Variants in SAMD15 observed in about 807,000 individuals in gnomAD.
The protein encoded by SAMD15 is sterile alpha motif domain-containing protein 15.
SAMD15 carries 37 observed loss-of-function variants against 50.5 expected under a neutral mutation model. The observed-to-expected ratio is 0.73, with a 90% CI of 0.56 to 0.96. The LOEUF (loss-of-function observed/expected upper bound fraction) is 0.96, where lower values mean the gene tolerates loss of function less well. Among genes scored for constraint, SAMD15 ranks in the 40% least tolerant of loss-of-function variants. SAMD15 has a pLI of 0.00. For synonymous variants in SAMD15, 255 were observed against 282.8 expected (o/e 0.90, Z 0.99); for missense variants, 789 against 783.8 (o/e 1.01, Z -0.08).
intron 2 of SAMD15, among the ~76,000 whole-genome samples, chr14:77,383,829 T>TAA (rs1893973726): frequency 6.6e-6 from 1 of 151,966 alleles, no homozygotes; most frequent in Non-Finnish European, 1.5e-5. Flanking sequence ...AAAAATTAGC[T>TAA]AGGCATGTTG....
rs2193595 is a variant in SAMD15 at position 77,378,778 on chromosome 14, A to G, written c.1360A>G (p.Lys454Glu). 0.48 allele frequency: 766,029 copies of G among 1,611,202 alleles called. 191,651 individuals carry two copies. The highest frequency in any genetic ancestry group is 0.84 in the African/African-American group (62,510 of 74,770). The change falls in exon 1 of 3, where the codon AAA (lysine) becomes GAA (glutamate). Residue 454 changes from lysine (K) to glutamate (E), a missense_variant. Coordinates refer to ENST00000216471, the MANE Select transcript of SAMD15 (RefSeq NM_001010860.4). Reference sequence around the variant, plus strand: ...AAGAGGAAAGTTGTCACTAAGTGACAAATTTAGAAAAGAATATTACGCATT... The same window carrying G: ...AAGAGGAAAGTTGTCACTAAGTGACGAATTTAGAAAAGAATATTACGCATT... ...PKRGKLSLSD[K>E]FRKEYYALGS...
At chr14:77,385,953 T>G (rs940291541) in intron 2 of SAMD15, among the ~76,000 whole-genome samples, 7 of 150,436 alleles carry the variant, frequency 4.7e-5, no homozygotes, top group Non-Finnish European at 1.0e-4. Flanking sequence ...GCTCAAATAA[T>G]CCTCCCACTT....
Position 77,378,756 on chromosome 14 carries a change from AG to A in SAMD15, c.1340del (p.Gly447GlufsTer5), listed in dbSNP as rs1566699698. 1.9e-6 allele frequency: 3 copies of A among 1,611,650 alleles called. No homozygotes were observed. The highest frequency in any genetic ancestry group is 2.5e-6 in the Non-Finnish European group (3 of 1,179,356). Reference sequence around the variant, plus strand: ...AGCTAGAGCACCGTGAGCCTAAAAGAGGAAAGTTGTCACTAAGTGACAAATT... The same window carrying A: ...AGCTAGAGCACCGTGAGCCTAAAAGAGAAAGTTGTCACTAAGTGACAAATT... ...DELEHREPKR[G>X]KLSLSDKFRK... is the part of the protein sequence containing the mutation. On this transcript the variant is annotated frameshift_variant, in exon 1 of 3. Transcript: ENST00000216471. LOFTEE classifies it high-confidence loss of function.
In SAMD15 at chr14:77,377,642, T is replaced by A; in HGVS notation, c.224T>A (p.Val75Glu). The A allele has an allele frequency of 6.2e-7, 1 of 1,614,132 alleles. No homozygotes were observed. The highest frequency in any genetic ancestry group is 8.5e-7 in the Non-Finnish European group (1 of 1,180,024). The change falls in exon 1 of 3, where the codon GTG (valine) becomes GAG (glutamate). Residue 75 changes from valine (V) to glutamate (E), a missense_variant. Val to Glu is a moderately radical substitution (Grantham distance 121). Transcript: ENST00000216471. ...KEGEPDSAKN[V>E]QLKPGGTSQE... ...GGGGAGCCAGACAGTGCTAAGAACG[T>A]GCAGCTGAAACCTGGCGGGACGTCC...
At chr14:77,380,564 C>A in intron 2 of SAMD15, 83 bp downstream of exon 2, 1 of 853,004 alleles carries the variant, frequency 1.2e-6, no homozygotes, top group Non-Finnish European at 2.0e-6. Context: ...TTCCTCCAGC[C>A]TGGCCTCCCA....
At chr14:77,381,509 G>A (rs184130945) in intron 2 of SAMD15, among the ~76,000 whole-genome samples, 7 of 152,206 alleles carry the variant, frequency 4.6e-5, no homozygotes, top group Admixed American at 6.5e-5. Context: ...AACTTGGGTC[G>A]TCTTCAGAAT....
Position 77,378,819 on chromosome 14 carries a change from A to C in SAMD15, c.1401A>C (p.Glu467Asp). The C allele has an allele frequency of 2.5e-6, 4 of 1,613,446 alleles. No homozygotes were observed. Among genetic ancestry groups the C allele is most frequent in the Non-Finnish European group, 2.5e-6 (3 of 1,179,860 alleles). ...ATTACGCATTAGGATCTCTCAGAGA[A>C]AGTGAAGAATCAATTGGTACACATT... The part of the protein sequence containing the change: ...KEYYALGSLR[E>D]SEESIGTHYE... Residue 467 changes from glutamate (E) to aspartate (D), a missense_variant, in exon 1 of 3, where the codon GAA (glutamate) becomes GAC (aspartate). Around this residue, in one of 2 missense-constraint regions of SAMD15, gnomAD observed 770 missense variants for 745.4 expected, o/e 1.03. Coordinates refer to ENST00000216471, the MANE Select transcript of SAMD15 (RefSeq NM_001010860.4).
At chr14:77,388,428 T>TGTGTGTGTGTG (rs1594863333) in intron 2 of SAMD15, among the ~76,000 whole-genome samples, 1 of 145,386 alleles carries the variant, frequency 6.9e-6, no homozygotes, top group African/African-American at 2.6e-5. Context: ...TGTGTGTGTG[T>TGTGTGTGTGTG]TTGCTTTTGG....
At chr14:77,382,124 T>C (rs980633854) in intron 2 of SAMD15, among the ~76,000 whole-genome samples, 2 of 150,384 alleles carry the variant, frequency 1.3e-5, no homozygotes, top group African/African-American at 4.9e-5. Flanking sequence ...TTGTTGTTTT[T>C]TTGGGGTTTT....
chr14:77,379,698 T>C (rs1893919977), intron 1 of SAMD15, among the ~76,000 whole-genome samples: 1 of 152,200 alleles, frequency 6.6e-6, no homozygotes, highest in African/African-American at 2.4e-5. Context: ...GCCTTAGACC[T>C]CCTTTCATAG....
rs141380516 is a variant in SAMD15 at position 77,389,171 on chromosome 14, C to T, written c.1789-1837C>T. Among the ~76,000 whole-genome samples, 489 of 152,100 alleles carry T rather than the reference C, an allele frequency of 3.2e-3. 4 individuals carry two copies. Among genetic ancestry groups the T allele is most frequent in the African/African-American group, 0.012 (478 of 41,500 alleles). ...ACTCGGAATGCCAAGGCAACTATAC[C>T]CATAAATCATCTCTAGAGTCAACAA... On this transcript the variant is annotated intron_variant, in intron 2 of 2. Transcript: ENST00000216471.
chr14:77,378,630 A>G lies in SAMD15; in HGVS notation c.1212A>G (p.Leu404=), dbSNP rs1893894414. 1.2e-6 allele frequency: 2 copies of G among 1,614,072 alleles called. No individual in the cohort carries two copies. The highest frequency in any genetic ancestry group is 1.7e-6 in the Non-Finnish European group (2 of 1,180,008). ...KTQTKPTEKI[L]ELPDETKPRE... Reference sequence around the variant, plus strand: ...AAACAAAGCCAACTGAGAAAATTCTAGAGTTACCAGATGAAACCAAACCAA... The same window carrying G: ...AAACAAAGCCAACTGAGAAAATTCTGGAGTTACCAGATGAAACCAAACCAA... The change falls in exon 1 of 3, where the codon CTA becomes CTG. Residue 404 remains leucine (L), a synonymous_variant. Transcript: ENST00000216471.
intron 2 of SAMD15, among the ~76,000 whole-genome samples, chr14:77,382,688 CATT>C (rs1211459505): frequency 2.0e-5 from 3 of 152,082 alleles, no homozygotes; most frequent in Non-Finnish European, 4.4e-5. Flanking sequence ...GTACTATAAA[CATT>C]ATGATGTGGA....
In SAMD15 at chr14:77,378,449, C is replaced by A. The variant is rs1174378441; in HGVS notation, c.1031C>A (p.Thr344Lys). ...TTTCCTGAGGAAGAATCAAGAAAAA[C>A]AAATGAGGAAACAATTCTAGAACAA... ...LEFPEEESRK[T>K]NEETILEQSE... The change falls in exon 1 of 3, where the codon ACA becomes AAA. Residue 344 changes from threonine to lysine, a missense_variant. Transcript: ENST00000216471. 1 of 1,613,704 alleles carries A rather than the reference C, an allele frequency of 6.2e-7. No individual in the cohort carries two copies. Among genetic ancestry groups the A allele is most frequent in the Non-Finnish European group, 8.5e-7 (1 of 1,179,942 alleles).
chr14:77,378,810 T>G lies in SAMD15; in HGVS notation c.1392T>G (p.Ser464=). 6.2e-7 allele frequency: 1 copy of G among 1,613,144 alleles called. No individual in the cohort carries two copies. The highest frequency in any genetic ancestry group is 8.5e-7 in the Non-Finnish European group (1 of 1,179,780). Residue 464 remains serine (S), a synonymous_variant, in exon 1 of 3, where the codon TCT becomes TCG. Coordinates refer to ENST00000216471, the MANE Select transcript of SAMD15 (RefSeq NM_001010860.4). Reference sequence around the variant, plus strand: ...GAAAAGAATATTACGCATTAGGATCTCTCAGAGAAAGTGAAGAATCAATTG... The same window carrying G: ...GAAAAGAATATTACGCATTAGGATCGCTCAGAGAAAGTGAAGAATCAATTG... ...KFRKEYYALG[S]LRESEESIGT...
intron 1 of SAMD15, 47 bp downstream of exon 1, chr14:77,379,154 A>ACTT (rs776159002): frequency 6.5e-7 from 1 of 1,549,540 alleles, no homozygotes; most frequent in African/African-American, 1.4e-5. Flanking sequence ...TCATCCGTCT[A>ACTT]CTTCTTATTC....
In SAMD15 at chr14:77,378,440, CA is replaced by C. The variant is rs1302637252; in HGVS notation, c.1024del (p.Arg342GlufsTer9). 1 of 1,613,650 alleles carries C rather than the reference CA, an allele frequency of 6.2e-7. No individual in the cohort carries two copies. Among genetic ancestry groups the C allele is most frequent in the African/African-American group, 1.3e-5 (1 of 74,940 alleles). ...AAATTAGAGTTTCCTGAGGAAGAAT[CA>C]AGAAAAACAAATGAGGAAACAATTC... ...EIKLEFPEEE[S>X]RKTNEETILE... On this transcript the variant is annotated frameshift_variant, in exon 1 of 3. Coordinates refer to ENST00000216471, the MANE Select transcript of SAMD15 (RefSeq NM_001010860.4). LOFTEE classifies it high-confidence loss of function.
At chr14:77,383,361 T>G (rs1193573860) in intron 2 of SAMD15, among the ~76,000 whole-genome samples, 1 of 152,196 alleles carries the variant, frequency 6.6e-6, no homozygotes, top group Non-Finnish European at 1.5e-5. Flanking sequence ...AGTCAGACAA[T>G]TCATTCAGCT....
In SAMD15 at chr14:77,379,054, G is replaced by A; in HGVS notation, c.1636G>A (p.Asp546Asn). 1 of 1,613,914 alleles carries A rather than the reference G, an allele frequency of 6.2e-7. No homozygotes were observed. The highest frequency in any genetic ancestry group is 8.5e-7 in the Non-Finnish European group (1 of 1,179,798). The change falls in exon 1 of 3, where the codon GAT (aspartate) becomes AAT (asparagine). Residue 546 changes from aspartate (D) to asparagine (N), a missense_variant. Coordinates refer to ENST00000216471, the MANE Select transcript of SAMD15 (RefSeq NM_001010860.4). Reference sequence around the variant, plus strand: ...GTTACAATTTGAGCATCTTAATTGGGATCCAGAGGAAGTTGCAGAGTGGAT... The same window carrying A: ...GTTACAATTTGAGCATCTTAATTGGAATCCAGAGGAAGTTGCAGAGTGGAT... ...TELQFEHLNW[D>N]PEEVAEWISQ...
Sources: gnomAD v4.1 joint callset for allele counts (sites outside exome capture counted in the v4.1 genomes callset) on GRCh38, gnomAD v4.1.1 for gene constraint, gnomAD v4.1.1 regional missense constraint, MANE v1.5 for transcripts, NCBI Gene and HGNC (gene_info 2026-07-23, HGNC 2026-07-21) for gene names.